The following AOPEP variants were observed in gnomAD, a reference collection of about 807,000 sequenced individuals.
The protein encoded by AOPEP is aminopeptidase O.
AOPEP carries 77 observed loss-of-function variants against 98.1 expected under a neutral mutation model. The observed-to-expected ratio is 0.78, with a 90% CI of 0.65 to 0.95. The LOEUF is 0.95. Ranked by LOEUF, AOPEP falls within the 40% of genes least tolerant of loss-of-function variation. AOPEP has a pLI of 0.00. For missense variants in AOPEP, 1,024 were observed against 1,024.7 expected (o/e 1.00, Z 0.01); for synonymous variants, 346 against 365.3 (o/e 0.95, Z 0.60).
chr9:94,932,185 G>A, intron 7 of AOPEP: 2 of 989,366 alleles, frequency 2.0e-6, no homozygotes, highest in Non-Finnish European at 2.4e-6. Flanking sequence ...CTTGGGCTCT[G>A]GAAGGACATA....
intron 13 of AOPEP, chr9:95,048,754 T>A (rs1384496635): frequency 6.6e-6 from 1 of 152,186 alleles, no homozygotes; most frequent in Non-Finnish European, 1.5e-5. Context: ...CGGTAAACCT[T>A]TTAAATTCAG....
chr9:94,831,073 G>T (rs532462157), intron 5 of AOPEP, among the ~76,000 whole-genome samples: 1 of 152,112 alleles, frequency 6.6e-6, no homozygotes, highest in Non-Finnish European at 1.5e-5. Context: ...CCGTATATCA[G>T]TTTTTGCTTT....
At chr9:94,738,911 A>G (rs1832421571) in intron 1 of AOPEP, among the ~76,000 whole-genome samples, 1 of 152,246 alleles carries the variant, frequency 6.6e-6, no homozygotes, top group Admixed American at 6.5e-5. Flanking sequence ...GACAAAGTGA[A>G]CTGTAACTAA....
At chr9:94,852,149 C>T (rs989761301) in intron 5 of AOPEP, among the ~76,000 whole-genome samples, 5 of 152,130 alleles carry the variant, frequency 3.3e-5, no homozygotes, top group African/African-American at 1.2e-4. Context: ...TCAGTGTCAT[C>T]TTAGGCAGTT....
intron 5 of AOPEP, among the ~76,000 whole-genome samples, chr9:94,846,051 C>T (rs991031971): frequency 3.3e-5 from 5 of 150,884 alleles, no homozygotes; most frequent in East Asian, 1.9e-4. Flanking sequence ...GCTGAGATGG[C>T]GCCATTGCAC....
chr9:95,032,116 C>CTGG (rs1036825423), intron 13 of AOPEP, among the ~76,000 whole-genome samples: 1 of 152,220 alleles, frequency 6.6e-6, no homozygotes, highest in African/African-American at 2.4e-5. Flanking sequence ...CCCTGAAACC[C>CTGG]TCCAGCAGGA....
the AOPEP span, among the ~76,000 whole-genome samples, chr9:95,137,562 A>G: frequency 6.6e-6 from 1 of 152,188 alleles, no homozygotes; most frequent in South Asian, 2.1e-4. Context: ...CCTCAGATGA[A>G]AAGAAGAGAA....
At chr9:94,783,037 T>C (rs940523278) in intron 3 of AOPEP, among the ~76,000 whole-genome samples, 6 of 152,180 alleles carry the variant, frequency 3.9e-5, no homozygotes, top group Admixed American at 1.3e-4. Flanking sequence ...AGCACTCAAG[T>C]TTACCTGTGA....
chr9:95,111,737 G>A, the AOPEP span: 2 of 1,427,406 alleles, frequency 1.4e-6, no homozygotes, highest in African/African-American at 2.8e-5. Flanking sequence ...GGCTTAAATT[G>A]TACTTATCCA....
intron 1 of AOPEP, among the ~76,000 whole-genome samples, chr9:94,736,887 A>G (rs756919330): frequency 2.0e-5 from 3 of 152,300 alleles, no homozygotes; most frequent in South Asian, 2.1e-4. Flanking sequence ...GACTAGGATT[A>G]TGAAGGGTTT....
intron 5 of AOPEP, among the ~76,000 whole-genome samples, chr9:94,898,254 G>A (rs2049852433): frequency 6.6e-6 from 1 of 152,164 alleles, no homozygotes; most frequent in Non-Finnish European, 1.5e-5. Context: ...GCAAAGCTCT[G>A]GAAACTCATG....
the AOPEP span, among the ~76,000 whole-genome samples, chr9:95,119,635 A>G: frequency 1.3e-5 from 2 of 152,124 alleles, no homozygotes; most frequent in African/African-American, 4.8e-5. Flanking sequence ...AAGTGCTAGG[A>G]TTACAGGCAT....
intron 5 of AOPEP, among the ~76,000 whole-genome samples, chr9:94,855,666 G>A (rs1229924026): frequency 1.3e-5 from 2 of 152,000 alleles, no homozygotes; most frequent in Admixed American, 6.5e-5. Flanking sequence ...ACTCCAGCCT[G>A]GGCAACAAGA....
chr9:94,768,167 C>T (rs1281642299), intron 2 of AOPEP, among the ~76,000 whole-genome samples: 1 of 152,154 alleles, frequency 6.6e-6, no homozygotes, highest in African/African-American at 2.4e-5. Context: ...ACTGTCGCAT[C>T]TGTGGCCCAC....
At chr9:94,960,917 CAGG>C (rs1449311041) in intron 9 of AOPEP, among the ~76,000 whole-genome samples, 10 of 150,662 alleles carry the variant, frequency 6.6e-5, no homozygotes, top group Non-Finnish European at 1.5e-4. Flanking sequence ...GAGGCTGAGG[CAGG>C]AGAATGGCGT....
At chr9:94,874,926 A>C (rs570280768) in intron 5 of AOPEP, among the ~76,000 whole-genome samples, 3 of 152,306 alleles carry the variant, frequency 2.0e-5, no homozygotes, top group African/African-American at 7.2e-5. Context: ...TATTATTTAT[A>C]ATATCCTGCC....
At chr9:94,955,359 T>A (rs2058379905) in intron 8 of AOPEP, 80 bp downstream of exon 8, 1 of 845,858 alleles carries the variant, frequency 1.2e-6, no homozygotes, top group Non-Finnish European at 1.9e-6. Context: ...TGATGATTAG[T>A]AACAAGACTG....
At chr9:94,871,326 C>T (rs2135624725) in intron 5 of AOPEP, among the ~76,000 whole-genome samples, 1 of 152,312 alleles carries the variant, frequency 6.6e-6, no homozygotes, top group East Asian at 1.9e-4. Context: ...TACCCAGGAA[C>T]CTCTCTGGTT....
chr9:94,757,327 T>C (rs917630518), intron 1 of AOPEP, among the ~76,000 whole-genome samples: 3 of 152,202 alleles, frequency 2.0e-5, no homozygotes, highest in African/African-American at 7.2e-5. Flanking sequence ...GTGGAGAGTA[T>C]GCGAAAGAAT....
Sources: allele counts gnomAD v4.1 joint callset (sites outside exome capture counted in the v4.1 genomes callset), GRCh38; gene constraint gnomAD v4.1.1; transcripts MANE v1.5; gene names NCBI Gene and HGNC (gene_info 2026-07-23, HGNC 2026-07-21).